The following TEX11 variants were observed in gnomAD, a reference collection of about 807,000 sequenced individuals.
TEX11 encodes the protein testis-expressed protein 11.
In TEX11, 7 loss-of-function variants were observed where a neutral mutation model predicts 84.4. The observed-to-expected ratio is 0.08, with a 90% CI of 0.05 to 0.16. The LOEUF (loss-of-function observed/expected upper bound fraction) is 0.16. Ranked by LOEUF, TEX11 falls within the 10% of genes least tolerant of loss-of-function variation. The pLI, the probability that TEX11 is intolerant of heterozygous loss-of-function variation, is 1.00. For synonymous variants in TEX11, 264 were observed against 222.8 expected, an observed-to-expected ratio of 1.18 and a Z score of -1.64; for missense variants, 551 against 660.5, an observed-to-expected ratio of 0.83 and a Z score of 1.82.
chrX:70,656,043 T>C (rs762355390), intron 16 of TEX11, among the ~76,000 whole-genome samples: 12 of 110,365 alleles, frequency 1.1e-4, no homozygotes, highest in African/African-American at 3.6e-4. Context: ...TAATTGAATA[T>C]GTAGACAACC....
intron 11 of TEX11, among the ~76,000 whole-genome samples, chrX:70,736,699 T>C (rs1192961327): frequency 1.8e-5 from 2 of 111,706 alleles, no homozygotes; most frequent in Non-Finnish European, 3.8e-5. Flanking sequence ...AAAAGAGTGG[T>C]AACTCTTTTA....
chrX:70,594,360 G>A (rs905316301), intron 24 of TEX11, among the ~76,000 whole-genome samples: 6 of 111,138 alleles, frequency 5.4e-5, no homozygotes, highest in Non-Finnish European at 7.5e-5. Flanking sequence ...AGGCTGAAAA[G>A]CAAGTAATGC....
intron 9 of TEX11, among the ~76,000 whole-genome samples, chrX:70,789,583 C>T (rs964926798): frequency 4.5e-5 from 5 of 111,503 alleles, no homozygotes; most frequent in African/African-American, 1.6e-4. Context: ...AACAAAAAAC[C>T]CACAATGAGA....
At chrX:70,831,181 C>T (rs954898362) in intron 8 of TEX11, among the ~76,000 whole-genome samples, 1 of 111,747 alleles carries the variant, frequency 8.9e-6, no homozygotes, top group Non-Finnish European at 1.9e-5. Context: ...ACCTGGAGGA[C>T]ATTAAGCTAA....
chrX:70,877,015 C>A (rs752693320), intron 3 of TEX11, among the ~76,000 whole-genome samples: 1 of 111,698 alleles, frequency 9.0e-6, no homozygotes, highest in Admixed American at 9.5e-5. Context: ...GATTTACCAC[C>A]GGGCACAGTG....
chrX:70,877,826 T>C (rs373902672), intron 3 of TEX11, among the ~76,000 whole-genome samples: 100 of 111,386 alleles, frequency 9.0e-4, no homozygotes, highest in African/African-American at 3.1e-3. Context: ...CTGAGAGTAG[T>C]CAAATTTATA....
intron 9 of TEX11, among the ~76,000 whole-genome samples, chrX:70,768,359 A>T (rs1342210247): frequency 9.0e-6 from 1 of 111,604 alleles, no homozygotes; most frequent in Non-Finnish European, 1.9e-5. Context: ...CAAAAAGTAT[A>T]TATAAGACTT....
chrX:70,773,030 CA>C, intron 9 of TEX11, among the ~76,000 whole-genome samples: 2 of 108,742 alleles, frequency 1.8e-5, no homozygotes, highest in South Asian at 8.0e-4. Flanking sequence ...ACAACAACAA[CA>C]AAAAAAACAC....
At chrX:70,705,061 T>C (rs1487829865) in intron 13 of TEX11, among the ~76,000 whole-genome samples, 1 of 111,708 alleles carries the variant, frequency 9.0e-6, no homozygotes, top group Non-Finnish European at 1.9e-5. Context: ...GAATCCTTTC[T>C]CCATTGCTTG....
chrX:70,873,435 G>A (rs770431139), intron 3 of TEX11, 128 bp from the exon 4 acceptor site: 4 of 463,073 alleles, frequency 8.6e-6, no homozygotes, highest in Admixed American at 3.8e-5. Context: ...TAATCTAGTC[G>A]CATTCTACCT....
intron 11 of TEX11, among the ~76,000 whole-genome samples, chrX:70,727,967 A>G (rs189108542): frequency 5.3e-5 from 6 of 112,670 alleles, no homozygotes; most frequent in African/African-American, 1.9e-4. Context: ...AGCCAACACA[A>G]TTATTTAGTT....
At chrX:70,615,035 C>T (rs1210359368) in intron 20 of TEX11, among the ~76,000 whole-genome samples, 6 of 110,807 alleles carry the variant, frequency 5.4e-5, no homozygotes, top group African/African-American at 2.0e-4. Context: ...TCACAGCACC[C>T]AAGTACTTTT....
chrX:70,850,840 T>C (rs1172995610), intron 7 of TEX11, among the ~76,000 whole-genome samples: 2 of 110,255 alleles, frequency 1.8e-5, no homozygotes, highest in Admixed American at 1.9e-4. Flanking sequence ...GAGGCCAAGG[T>C]GAGAGGACTG....
intron 20 of TEX11, among the ~76,000 whole-genome samples, chrX:70,616,463 C>T (rs1228690049): frequency 2.7e-5 from 3 of 111,076 alleles, no homozygotes; most frequent in South Asian, 3.8e-4. Flanking sequence ...CACAAAAAAA[C>T]AAAGAAGTTA....
intron 4 of TEX11, among the ~76,000 whole-genome samples, chrX:70,862,218 A>G (rs1266295484): frequency 1.8e-5 from 2 of 112,103 alleles, no homozygotes; most frequent in African/African-American, 3.2e-5. Flanking sequence ...GAAGATACAG[A>G]CTACTTCATT....
chrX:70,817,244 CAT>C (rs752569939), intron 8 of TEX11, among the ~76,000 whole-genome samples: 2,655 of 100,749 alleles, frequency 0.026, 49 homozygotes, highest in African/African-American at 0.063. Context: ...CACACACACA[CAT>C]ATATATATAC....
chrX:70,905,915 T>C (rs111494139), intron 2 of TEX11, among the ~76,000 whole-genome samples: 2,513 of 102,295 alleles, frequency 0.025, 77 homozygotes, highest in African/African-American at 0.084. Flanking sequence ...TAGCCGGGCA[T>C]GGTGGCACGT....
intron 8 of TEX11, among the ~76,000 whole-genome samples, chrX:70,816,835 A>C (rs1296597179): frequency 9.0e-6 from 1 of 111,611 alleles, no homozygotes. Flanking sequence ...TCAGAGTAGA[A>C]GGAAGAGGGT....
At chrX:70,619,582 C>T (rs5936945) in intron 20 of TEX11, among the ~76,000 whole-genome samples, 47,110 of 110,349 alleles carry the variant, frequency 0.43, 8,379 homozygotes, top group East Asian at 0.59. Context: ...ACATCAGTAC[C>T]TCAAAAGAGT....
Sources: gnomAD v4.1 joint callset for allele counts (sites outside exome capture counted in the v4.1 genomes callset) on GRCh38, gnomAD v4.1.1 for gene constraint, MANE v1.5 for transcripts, NCBI Gene and HGNC (gene_info 2026-07-23, HGNC 2026-07-21) for gene names.